The following ELF5 variants were observed in gnomAD, a reference collection of about 807,000 sequenced individuals.
ELF5 encodes E74 like ETS transcription factor 5.
A neutral mutation model predicts 38.2 loss-of-function variants in ELF5; 31 were observed. The observed-to-expected ratio is 0.81, with a 90% CI of 0.61 to 1.10. The LOEUF is 1.10. ELF5 is among the 50% of genes least tolerant of loss of function. ELF5 has a pLI of 0.00. For synonymous variants in ELF5, 121 were observed against 112.5 expected (o/e 1.08, Z -0.48); for missense variants, 300 against 306.6 (o/e 0.98, Z 0.16).
At chr11:34,508,084 TA>T (rs1458879621) in intron 1 of ELF5, among the ~76,000 whole-genome samples, 1 of 152,200 alleles carries the variant, frequency 6.6e-6, no homozygotes, top group Admixed American at 6.5e-5. Context: ...TAAACATACA[TA>T]AAAATAAATA....
intron 1 of ELF5, among the ~76,000 whole-genome samples, chr11:34,505,998 A>G (rs1590342116): frequency 6.6e-6 from 1 of 152,226 alleles, no homozygotes; most frequent in African/African-American, 2.4e-5. Flanking sequence ...CCAAAGTGAT[A>G]TAACTAGAAA....
At position 34,493,709 on chromosome 11, in the gene ELF5, C is replaced by G. The variant is rs12789251; in HGVS notation, c.125G>C (p.Cys42Ser). The G allele has an allele frequency of 6.2e-7, 1 of 1,613,002 alleles. No individual in the cohort carries two copies. The highest frequency in any genetic ancestry group is 8.5e-7 in the Non-Finnish European group (1 of 1,179,026). Residue 42 changes from cysteine to serine, a missense_variant, in exon 3 of 7, where the codon TGT becomes TCT. By Grantham distance (112) the Cys-to-Ser change is moderately radical (BLOSUM62 -1). Coordinates refer to ENST00000257832, the MANE Select transcript of ELF5 (RefSeq NM_001422.4). The part of the protein sequence containing the change: ...YYPAFEHQTA[C>S]DSYWTSVHPE... The stretch of plus-strand genomic sequence containing the variant: ...GTGGACTGATGTCCAGTATGAGTCA[C>G]AGGCTGCACCAAAGGAGAAAGAAGT...
Position 34,480,088 on chromosome 11 carries a change from G to A in ELF5, c.*130C>T. On this transcript the variant is annotated 3_prime_UTR_variant, in exon 7 of 7. Coordinates refer to ENST00000257832, the MANE Select transcript of ELF5 (RefSeq NM_001422.4). ...TGAATCCAAATGTAAGCTGAGATGTGGAGAAATTTTATCAGCATGTTTGCA... is the reference window on the plus strand; with the variant it reads ...TGAATCCAAATGTAAGCTGAGATGTAGAGAAATTTTATCAGCATGTTTGCA... The A allele has an allele frequency of 1.4e-6, 1 of 728,412 alleles. No individual in the cohort carries two copies. 45.1% of individuals were successfully genotyped at this position (728,412 alleles called of 1,614,324 possible).
chr11:34,511,737 C>T, intron 1 of ELF5: 1 of 755,332 alleles, frequency 1.3e-6, no homozygotes, highest in Non-Finnish European at 2.2e-6. Context: ...CTCCCATGGC[C>T]TGAGCAACCC....
intron 1 of ELF5, among the ~76,000 whole-genome samples, chr11:34,509,069 C>G (rs1850685466): frequency 6.6e-6 from 1 of 152,186 alleles, no homozygotes; most frequent in East Asian, 1.9e-4. Context: ...GTGGTTCATG[C>G]CTGTAATCCC....
At chr11:34,491,833 C>T (rs1250298685) in intron 3 of ELF5, 1 of 152,182 alleles carries the variant, frequency 6.6e-6, no homozygotes, top group Non-Finnish European at 1.5e-5. Flanking sequence ...GCCTCAGCCT[C>T]CCAAAGTATT....
intron 3 of ELF5, chr11:34,493,233 A>C: frequency 1.7e-6 from 1 of 599,706 alleles, no homozygotes. Context: ...CAGTCCCTGA[A>C]CGTGGTGTCC....
At chr11:34,490,157 T>A in intron 3 of ELF5, 98 bp from the exon 4 acceptor site, 1 of 1,342,676 alleles carries the variant, frequency 7.4e-7, no homozygotes, top group Admixed American at 1.7e-5. Context: ...GGAGTGACTG[T>A]CCCTCTTGAG....
intron 4 of ELF5, among the ~76,000 whole-genome samples, chr11:34,485,076 C>T (rs1429362768): frequency 2.6e-5 from 4 of 152,154 alleles, no homozygotes; most frequent in African/African-American, 9.7e-5. Flanking sequence ...TTACTAAATG[C>T]CAAGTGCTTG....
chr11:34,480,198 A>T lies in ELF5; in HGVS notation c.*20T>A, dbSNP rs369653245. The T allele has an allele frequency of 1.2e-4, 188 of 1,596,720 alleles. No homozygotes were observed. Among genetic ancestry groups the T allele is most frequent in the Non-Finnish European group, 1.5e-4 (177 of 1,165,512 alleles). On this transcript the variant is annotated 3_prime_UTR_variant, in exon 7 of 7. Coordinates refer to ENST00000257832, the MANE Select transcript of ELF5 (RefSeq NM_001422.4). ...TTAAAAGACAGAAATCCATAAAATG[A>T]GCTTGATGCCTGGAGCAGATCATAG...
At chr11:34,508,505 AAAAAAATAAAAAAT>A (rs578086176) in intron 1 of ELF5, among the ~76,000 whole-genome samples, 7 of 152,198 alleles carry the variant, frequency 4.6e-5, no homozygotes, top group East Asian at 1.9e-4. Context: ...TATGTCTCAC[AAAAAAATAAAAAAT>A]AAAAAATAAA....
intron 1 of ELF5, chr11:34,511,661 G>C (rs1850761321): frequency 1.0e-5 from 16 of 1,531,128 alleles, no homozygotes; most frequent in Non-Finnish European, 1.4e-5. Context: ...GGTCCACCGA[G>C]TTGGAGGGAC....
At chr11:34,508,519 T>A (rs2924481) in intron 1 of ELF5, among the ~76,000 whole-genome samples, 29,847 of 150,694 alleles carry the variant, frequency 0.2, 3,250 homozygotes, top group South Asian at 0.37. Flanking sequence ...AAATAAAAAA[T>A]AAAAAATAAA....
intron 4 of ELF5, among the ~76,000 whole-genome samples, chr11:34,488,075 C>G (rs1043725359): frequency 6.6e-6 from 1 of 151,696 alleles, no homozygotes; most frequent in Admixed American, 6.6e-5. Context: ...AATAGCTGTC[C>G]CTGGACCCAG....
At chr11:34,484,523 C>CTATAT (rs1181336314) in intron 4 of ELF5, among the ~76,000 whole-genome samples, 1 of 149,062 alleles carries the variant, frequency 6.7e-6, no homozygotes, top group Non-Finnish European at 1.5e-5. Flanking sequence ...CTATACTATA[C>CTATAT]TATATTATAC....
chr11:34,480,646 A>G (rs1856915101), intron 6 of ELF5, 126 bp downstream of exon 6: 4 of 1,096,568 alleles, frequency 3.6e-6, no homozygotes. Flanking sequence ...ACTAAGAACC[A>G]AAGTTTTGTC....
intron 1 of ELF5, among the ~76,000 whole-genome samples, chr11:34,509,167 T>G (rs374573605): frequency 6.6e-6 from 1 of 152,046 alleles, no homozygotes; most frequent in Non-Finnish European, 1.5e-5. Flanking sequence ...CCGTCTCCAC[T>G]AAAAACACAA....
chr11:34,503,308 G>A (rs942133567), intron 2 of ELF5, among the ~76,000 whole-genome samples: 1 of 151,730 alleles, frequency 6.6e-6, no homozygotes, highest in Non-Finnish European at 1.5e-5. Flanking sequence ...ACAGGTGCGT[G>A]CCACCATGCC....
At chr11:34,481,270 C>T (rs1010172686) in intron 5 of ELF5, among the ~76,000 whole-genome samples, 3 of 152,060 alleles carry the variant, frequency 2.0e-5, no homozygotes, top group Admixed American at 6.6e-5. Context: ...GTGTTGTACC[C>T]GCCTCAGCTT....
Sources: allele counts gnomAD v4.1 joint callset (sites outside exome capture counted in the v4.1 genomes callset), GRCh38; gene constraint gnomAD v4.1.1; transcripts MANE v1.5; gene names NCBI Gene and HGNC (gene_info 2026-07-23, HGNC 2026-07-21).